PRPF38B: variants seen among roughly 807,000 people sequenced by gnomAD.
The protein encoded by PRPF38B is pre-mRNA processing factor 38B, also known as pre-mRNA-splicing factor 38B.
Under a neutral mutation model 67.2 loss-of-function variants are expected in PRPF38B, and 18 were observed. The observed-to-expected ratio is 0.27, with a 90% CI of 0.19 to 0.40. The LOEUF (loss-of-function observed/expected upper bound fraction) is 0.40, where lower values mean the gene tolerates loss of function less well. Among genes scored for constraint, PRPF38B ranks in the 10% least tolerant of loss-of-function variants. The pLI is 1.00. For synonymous variants in PRPF38B, 246 were observed against 234.2 expected (o/e 1.05, Z -0.46); for missense variants, 544 against 684.9 (o/e 0.79, Z 2.30).
chr1:108,699,645 GA>G lies in PRPF38B; in HGVS notation c.1272del (p.Lys424AsnfsTer107). ...ATGACAAAAGAGATTCCAAGAAAGA[GA>G]AAAAACACAGTAGAAGCAGAAGCAG... ...RDDKRDSKKE[K>X]KHSRSRSRER... On this transcript the variant is annotated frameshift_variant, in exon 6 of 6. Coordinates refer to ENST00000370025, the MANE Select transcript of PRPF38B (RefSeq NM_018061.4). LOFTEE classifies it high-confidence loss of function. 3 of 1,563,578 alleles carry G rather than the reference GA, an allele frequency of 1.9e-6. No individual in the cohort carries two copies. The highest frequency in any genetic ancestry group is 1.7e-6 in the Non-Finnish European group (2 of 1,154,150).
chr1:108,692,732 C>T lies in PRPF38B; in HGVS notation c.141C>T (p.Leu47=). ...TCTCCGGCAAGCAGGGCAATGTGCT[C>T]CCGCTCTGGGGCAACGAGAAGACCA... is the stretch of plus-strand genomic sequence containing the variant. The part of the protein sequence containing the change: ...PAVSGKQGNV[L]PLWGNEKTMN... The change falls in exon 1 of 6, where the codon CTC becomes CTT. Residue 47 remains leucine, a synonymous_variant. Transcript: ENST00000370025. The T allele has an allele frequency of 1.2e-6, 2 of 1,613,908 alleles. No individual in the cohort carries two copies. Among genetic ancestry groups the T allele is most frequent in the Non-Finnish European group, 1.7e-6 (2 of 1,180,034 alleles).
intron 1 of PRPF38B, among the ~76,000 whole-genome samples, chr1:108,694,400 A>T (rs1659645952): frequency 6.6e-6 from 1 of 152,190 alleles, no homozygotes; most frequent in African/African-American, 2.4e-5. Flanking sequence ...ACAAGATTCT[A>T]CCAGGAATTG....
At chr1:108,697,030 C>A (rs1386037763) in intron 4 of PRPF38B, 1 of 438,444 alleles carries the variant, frequency 2.3e-6, no homozygotes, top group East Asian at 4.1e-5. Context: ...CCCAACACTT[C>A]GAGAGTTCAA....
At position 108,700,707 on chromosome 1, in the gene PRPF38B, T is replaced by G. The variant is rs1660399851; in HGVS notation, c.*687T>G. ...ACCTCAAAGGGACACTTAGTATGCC[T>G]AAAATTTATTCACTTAGTTTTCCTT... On this transcript the variant is annotated 3_prime_UTR_variant, in exon 6 of 6. Transcript: ENST00000370025. The G allele has an allele frequency of 6.5e-6, 1 of 152,672 alleles. No individual in the cohort carries two copies. Among genetic ancestry groups the G allele is most frequent in the Non-Finnish European group, 1.5e-5 (1 of 68,032 alleles). 9.5% of individuals were successfully genotyped at this position (152,672 alleles called of 1,614,324 possible).
chr1:108,695,998 C>T (rs1659829411), intron 2 of PRPF38B, 45 bp from the exon 3 acceptor site: 1 of 1,578,944 alleles, frequency 6.3e-7, no homozygotes, highest in East Asian at 2.2e-5. Flanking sequence ...TGTTAAGAGT[C>T]CGTTAATTAT....
intron 4 of PRPF38B, chr1:108,697,647 T>C (rs1660038952): frequency 1.3e-5 from 2 of 152,220 alleles, no homozygotes; most frequent in Non-Finnish European, 2.9e-5. Flanking sequence ...AGATCAGTTT[T>C]TCAGACTGAA....
Position 108,699,140 on chromosome 1 carries a change from TTTC to T in PRPF38B, c.783-20_783-18del, listed in dbSNP as rs1326454545. On this transcript the variant is annotated intron_variant, in intron 5 of 5. Transcript: ENST00000370025. Reference sequence around the variant, plus strand: ...ATATGTTTTATTCATTGAAATTTTCTTTCTCCCTCCGCCTTCCTTAGGTCTCCA... The same window carrying T: ...ATATGTTTTATTCATTGAAATTTTCTTCCCTCCGCCTTCCTTAGGTCTCCA... 3.2e-6 allele frequency: 5 copies of T among 1,564,096 alleles called. No homozygotes were observed. The highest frequency in any genetic ancestry group is 4.3e-6 in the Non-Finnish European group (5 of 1,161,118).
Position 108,702,143 on chromosome 1 carries a change from T to C in PRPF38B, c.*2123T>C, listed in dbSNP as rs1180311286. 2.0e-5 allele frequency among the ~76,000 whole-genome samples: 3 copies of C among 152,232 alleles called. No individual in the cohort carries two copies. In the East Asian group the frequency reaches 5.8e-4, roughly 29 times the overall value. ...TGTGGGTTTTTAGTTTGTTTTTGTTTTGAGACGGGCCTGGCTCTGTCACCC... is the reference window on the plus strand; with the variant it reads ...TGTGGGTTTTTAGTTTGTTTTTGTTCTGAGACGGGCCTGGCTCTGTCACCC... On this transcript the variant is annotated 3_prime_UTR_variant, in exon 6 of 6. Coordinates refer to ENST00000370025, the MANE Select transcript of PRPF38B (RefSeq NM_018061.4).
At chr1:108,695,403 A>G (rs574222680) in intron 1 of PRPF38B, among the ~76,000 whole-genome samples, 1 of 152,346 alleles carries the variant, frequency 6.6e-6, no homozygotes, top group South Asian at 2.1e-4. Context: ...AAGTGAGACT[A>G]TAGAAATTTT....
intron 4 of PRPF38B, chr1:108,696,677 G>A: frequency 1.4e-6 from 1 of 713,010 alleles, no homozygotes; most frequent in Non-Finnish European, 2.6e-6. Flanking sequence ...AGATCGAACA[G>A]ATAATAAAAG....
rs1659837837 is a variant in PRPF38B at position 108,696,120 on chromosome 1, T to G, written c.423T>G (p.Thr141=). 6.2e-7 allele frequency: 1 copy of G among 1,614,044 alleles called. No homozygotes were observed. Among genetic ancestry groups the G allele is most frequent in the African/African-American group, 1.3e-5 (1 of 75,054 alleles). ...LLYKLFTLKL[T]RKQVMGLITH... ...ACAAATTATTTACCCTGAAGTTAACTCGAAAGCAAGTGATGGGTCTTATAA... is the reference window on the plus strand; with the variant it reads ...ACAAATTATTTACCCTGAAGTTAACGCGAAAGCAAGTGATGGGTCTTATAA... The change falls in exon 3 of 6, where the codon ACT becomes ACG. Residue 141 remains threonine (T), a synonymous_variant. Coordinates refer to ENST00000370025, the MANE Select transcript of PRPF38B (RefSeq NM_018061.4).
chr1:108,692,938 C>G lies in PRPF38B; in HGVS notation c.276+71C>G. 3.3e-6 allele frequency: 5 copies of G among 1,520,656 alleles called. No homozygotes were observed. In the South Asian group the frequency reaches 6.4e-5, roughly 20 times the overall value. 94.2% of individuals were successfully genotyped at this position (1,520,656 alleles called of 1,614,324 possible). On this transcript the variant is annotated intron_variant, in intron 1 of 5. Transcript: ENST00000370025. ...GGGGTATGGAGGAAACGGGCGAAGGCGGCCCCCGAAATCTGAAGATTTGTG... is the reference window on the plus strand; with the variant it reads ...GGGGTATGGAGGAAACGGGCGAAGGGGGCCCCCGAAATCTGAAGATTTGTG...
Position 108,695,785 on chromosome 1 carries a change from G to A in PRPF38B, c.345+15G>A, listed in dbSNP as rs774288320. ...TGTGCGGAGGGGTAAGTAGAAGTAC[G>A]TGCATTTTTCAGTTTTTCTGTGTCT... On this transcript the variant is annotated intron_variant, in intron 2 of 5. Transcript: ENST00000370025. 37 of 1,611,422 alleles carry A rather than the reference G, an allele frequency of 2.3e-5. No individual in the cohort carries two copies. Among genetic ancestry groups the A allele is most frequent in the Non-Finnish European group, 3.1e-5 (36 of 1,178,576 alleles).
rs189191158 is a variant in PRPF38B, at chr1:108,702,626, G to A, written c.*2606G>A. Among the ~76,000 whole-genome samples, 4 of 152,148 alleles carry A rather than the reference G, an allele frequency of 2.6e-5. No individual in the cohort carries two copies. The highest frequency in any genetic ancestry group is 3.9e-4 in the East Asian group (2 of 5,184). The stretch of plus-strand genomic sequence containing the variant: ...CATTTGGACACGAACATCACACGCC[G>A]GGGCCTGTTGTGGGGTGGGGGACTA... On this transcript the variant is annotated 3_prime_UTR_variant, in exon 6 of 6. Transcript: ENST00000370025.
rs749803332 is a variant in PRPF38B, at chr1:108,692,632, C to G, written c.41C>G (p.Pro14Arg). Residue 14 changes from proline to arginine, a missense_variant, in exon 1 of 6, where the codon CCG (proline) becomes CGG (arginine). Physicochemically the swap from Pro to Arg is moderately radical, Grantham distance 103. Transcript: ENST00000370025. ...CCCGCGCTGACAGGCAACTCGCAGC[C>G]GCAGCACCAGGCGGCTGCAGCTGCG... ...NSPALTGNSQ[P>R]QHQAAAAAAQ... 2 of 1,609,448 alleles carry G rather than the reference C, an allele frequency of 1.2e-6. No homozygotes were observed. The highest frequency in any genetic ancestry group is 1.7e-6 in the Non-Finnish European group (2 of 1,178,258).
At chr1:108,695,578 A>G (rs1032118660) in intron 1 of PRPF38B, 124 bp from the exon 2 acceptor site, 3 of 878,866 alleles carry the variant, frequency 3.4e-6, no homozygotes, top group African/African-American at 3.4e-5. Flanking sequence ...ATCAGTAAAC[A>G]TATACTTAAT....
At position 108,702,360 on chromosome 1, in the gene PRPF38B, G is replaced by A. The variant is rs1053136357; in HGVS notation, c.*2340G>A. 2.0e-5 allele frequency among the ~76,000 whole-genome samples: 3 copies of A among 152,186 alleles called. No individual in the cohort carries two copies. The highest frequency in any genetic ancestry group is 7.2e-5 in the African/African-American group (3 of 41,426). On this transcript the variant is annotated 3_prime_UTR_variant, in exon 6 of 6. Coordinates refer to ENST00000370025, the MANE Select transcript of PRPF38B (RefSeq NM_018061.4). ...GCTGGTCTTGAACTCCTGGCCTCAA[G>A]TGATCCACCCACCTCAGCCTCCCAA...
intron 1 of PRPF38B, among the ~76,000 whole-genome samples, chr1:108,693,346 G>T (rs1441884256): frequency 6.6e-6 from 1 of 152,056 alleles, no homozygotes; most frequent in East Asian, 1.9e-4. Context: ...CAGTGCGTGT[G>T]TGTCGGGTGG....
At chr1:108,694,982 C>G (rs982544821) in intron 1 of PRPF38B, among the ~76,000 whole-genome samples, 11 of 152,050 alleles carry the variant, frequency 7.2e-5, no homozygotes, top group African/African-American at 2.7e-4. Context: ...AATTTATATT[C>G]TGGGGAATAA....
Sources: allele counts gnomAD v4.1 joint callset (sites outside exome capture counted in the v4.1 genomes callset), GRCh38; gene constraint gnomAD v4.1.1; transcripts MANE v1.5; gene names NCBI Gene and HGNC (gene_info 2026-07-23, HGNC 2026-07-21).